The following DTD1 variants were observed in gnomAD, a reference collection of about 807,000 sequenced individuals.
DTD1 encodes D-tyrosyl-tRNA deacylase 1 homolog.
A neutral mutation model predicts 25.6 loss-of-function variants in DTD1; 13 were observed. The ratio of observed to expected loss-of-function variants is 0.51; its 90% confidence interval spans 0.33 to 0.81. The LOEUF is 0.81. DTD1 is among the 30% of genes least tolerant of loss of function. The pLI is 0.02. For missense variants in DTD1, 193 were observed against 266.4 expected, an observed-to-expected ratio of 0.72 and a Z score of 1.92; for synonymous variants, 110 against 103.6, an observed-to-expected ratio of 1.06 and a Z score of -0.37.
chr20:18,756,187 T>C (rs190977000), intron 5 of DTD1, among the ~76,000 whole-genome samples: 1 of 152,242 alleles, frequency 6.6e-6, no homozygotes, highest in Non-Finnish European at 1.5e-5. Flanking sequence ...CTCAGTTGAG[T>C]ACACTGCAAA....
chr20:18,756,333 G>A (rs901142705), intron 5 of DTD1, among the ~76,000 whole-genome samples: 13 of 152,150 alleles, frequency 8.5e-5, no homozygotes, highest in Non-Finnish European at 1.6e-4. Flanking sequence ...TTTTAGACAT[G>A]AAGTCCTTGC....
chr20:18,700,117 T>C (rs2061097617), intron 4 of DTD1, among the ~76,000 whole-genome samples: 1 of 152,194 alleles, frequency 6.6e-6, no homozygotes, highest in African/African-American at 2.4e-5. Flanking sequence ...GCCAGTTATT[T>C]TTTAGAATGT....
intron 4 of DTD1, among the ~76,000 whole-genome samples, chr20:18,735,542 C>A (rs2061251961): frequency 1.3e-5 from 2 of 152,204 alleles, no homozygotes; most frequent in South Asian, 4.1e-4. Flanking sequence ...AATATCTGTT[C>A]TTGATTTTTC....
chr20:18,618,706 CACACACAT>C (rs966575587), intron 3 of DTD1, among the ~76,000 whole-genome samples: 2 of 147,734 alleles, frequency 1.4e-5, no homozygotes, highest in African/African-American at 5.0e-5. Context: ...CACACACACA[CACACACAT>C]ATAATTTTTT....
intron 4 of DTD1, among the ~76,000 whole-genome samples, chr20:18,679,380 T>C: frequency 6.6e-6 from 1 of 152,240 alleles, no homozygotes; most frequent in South Asian, 2.1e-4. Context: ...TTACATGACG[T>C]GCATCCAAAC....
chr20:18,764,480 A>G lies in DTD1; in HGVS notation c.*1140A>G, dbSNP rs2061374168. 1 of 152,234 alleles carries G rather than the reference A, an allele frequency of 6.6e-6. No individual in the cohort carries two copies. The highest frequency in any genetic ancestry group is 1.5e-5 in the Non-Finnish European group (1 of 68,050). The allele number at this position is 152,234 out of a possible 1,614,324, so 9.4% of individuals were successfully genotyped here. On this transcript the variant is annotated 3_prime_UTR_variant, in exon 6 of 6. Coordinates refer to ENST00000377452, the MANE Select transcript of DTD1 (RefSeq NM_080820.6). ...TCTGGAAAATATTTTTGTATATAGA[A>G]GAGACATCCTTAATTGTGATTTTTA...
At position 18,629,627 on chromosome 20, in the gene DTD1, A is replaced by G. The variant is rs546474450; in HGVS notation, c.477+1394A>G. On this transcript the variant is annotated intron_variant, in intron 4 of 5. Coordinates refer to ENST00000377452, the MANE Select transcript of DTD1 (RefSeq NM_080820.6). ...CAAAGCCAGATTTTTAAAGTGGAACATAATCTTTCTTTTTTGTTTCTGTAT... is the reference window on the plus strand; with the variant it reads ...CAAAGCCAGATTTTTAAAGTGGAACGTAATCTTTCTTTTTTGTTTCTGTAT... Among the ~76,000 whole-genome samples the G allele has an allele frequency of 2.7e-4, 41 of 150,764 alleles. 1 individual carries two copies. The highest frequency in any genetic ancestry group is 2.7e-3 in the Admixed American group (41 of 15,166).
chr20:18,626,084 T>C (rs570147224), intron 3 of DTD1, among the ~76,000 whole-genome samples: 2 of 152,364 alleles, frequency 1.3e-5, no homozygotes, highest in Admixed American at 1.3e-4. Flanking sequence ...CCCTGCAATT[T>C]GCGCATATAC....
chr20:18,716,207 A>T (rs1229053371), intron 4 of DTD1, among the ~76,000 whole-genome samples: 2 of 152,200 alleles, frequency 1.3e-5, no homozygotes, highest in Admixed American at 1.3e-4. Context: ...TTGGTTCAGG[A>T]TCTGAACCTT....
chr20:18,627,979 G>GT, intron 3 of DTD1, 148 bp from the exon 4 acceptor site: 1 of 627,852 alleles, frequency 1.6e-6, no homozygotes, highest in South Asian at 2.5e-5. Context: ...GTGAGGAACT[G>GT]TGAGTCCGTT....
intron 4 of DTD1, among the ~76,000 whole-genome samples, chr20:18,685,362 T>C (rs751325215): frequency 2.6e-5 from 4 of 152,222 alleles, no homozygotes; most frequent in Non-Finnish European, 5.9e-5. Flanking sequence ...AAACCAGACC[T>C]GTTTTCCTCC....
chr20:18,742,568 G>T (rs1439184934), intron 4 of DTD1, among the ~76,000 whole-genome samples: 1 of 152,126 alleles, frequency 6.6e-6, no homozygotes, highest in Non-Finnish European at 1.5e-5. Context: ...TAGGTTGCAG[G>T]CTTCTTATGA....
chr20:18,644,138 C>A (rs536712767), intron 4 of DTD1, among the ~76,000 whole-genome samples: 2 of 152,140 alleles, frequency 1.3e-5, no homozygotes, highest in East Asian at 3.9e-4. Context: ...GCTTTTTTTA[C>A]ATCTCCTTTT....
At chr20:18,712,739 C>T (rs559983473) in intron 4 of DTD1, among the ~76,000 whole-genome samples, 16 of 152,344 alleles carry the variant, frequency 1.1e-4, no homozygotes, top group African/African-American at 3.4e-4. Context: ...CCGGATACTT[C>T]TCTACTGTGG....
intron 4 of DTD1, among the ~76,000 whole-genome samples, chr20:18,717,401 CTG>C (rs1362435374): frequency 6.6e-6 from 1 of 152,076 alleles, no homozygotes; most frequent in Non-Finnish European, 1.5e-5. Flanking sequence ...CATGTACAGT[CTG>C]TGTATAAGTT....
At chr20:18,646,393 C>T (rs79171675) in intron 4 of DTD1, among the ~76,000 whole-genome samples, 4,447 of 152,238 alleles carry the variant, frequency 0.029, 105 homozygotes, top group African/African-American at 0.05. Flanking sequence ...CCTGAATCTA[C>T]CATTCACCCC....
At chr20:18,601,473 T>G (rs1337702523) in intron 3 of DTD1, among the ~76,000 whole-genome samples, 2 of 142,150 alleles carry the variant, frequency 1.4e-5, no homozygotes, top group African/African-American at 2.7e-5. Flanking sequence ...TACTCCAGCT[T>G]GGATGACAGA....
intron 4 of DTD1, among the ~76,000 whole-genome samples, chr20:18,708,275 A>AT (rs373050022): frequency 0.13 from 2,085 of 15,564 alleles, 80 homozygotes; most frequent in Non-Finnish European, 0.17. Context: ...TTATATATAT[A>AT]TAATATATAT....
intron 4 of DTD1, among the ~76,000 whole-genome samples, chr20:18,661,246 G>A (rs1283269664): frequency 2.0e-5 from 3 of 152,010 alleles, no homozygotes; most frequent in Admixed American, 6.5e-5. Flanking sequence ...GTGCCTTTCT[G>A]TATAAATTTT....
Sources: gnomAD v4.1 joint callset for allele counts (sites outside exome capture counted in the v4.1 genomes callset) on GRCh38, gnomAD v4.1.1 for gene constraint, MANE v1.5 for transcripts, NCBI Gene and HGNC (gene_info 2026-07-23, HGNC 2026-07-21) for gene names.